The following ACSL3 variants were observed in gnomAD, a reference collection of about 807,000 sequenced individuals.
The protein encoded by ACSL3 is acyl-CoA synthetase long chain family member 3.
A neutral mutation model predicts 84.7 loss-of-function variants in ACSL3; 34 were observed. The ratio of observed to expected loss-of-function variants is 0.40; its 90% confidence interval spans 0.31 to 0.53. The LOEUF is 0.53. Among genes scored for constraint, ACSL3 ranks in the 20% least tolerant of loss-of-function variants. The probability of loss-of-function intolerance (pLI) is 0.48; values close to 1 mark genes in which losing one functional copy is unlikely to be tolerated. For missense variants in ACSL3, 680 were observed against 873.1 expected, an observed-to-expected ratio of 0.78 and a Z score of 2.79; for synonymous variants, 315 against 299.4, an observed-to-expected ratio of 1.05 and a Z score of -0.54.
In ACSL3 at chr2:222,897,891, C is replaced by G. The variant is rs368713473; in HGVS notation, c.-147-2783C>G. ...GCAGCAGTACAGTCCAGCTTCGGCT[C>G]GGCATCAGAGGGAGACCGTGGAGAG... On this transcript the variant is annotated intron_variant, in intron 2 of 16. Transcript: ENST00000357430. 2.3e-4 allele frequency among the ~76,000 whole-genome samples: 24 copies of G among 105,838 alleles called. 12 individuals carry two copies. The highest frequency in any genetic ancestry group is 9.1e-4 in the African/African-American group (24 of 26,340). The allele number at this position is 105,838 out of a possible 152,430, so 69.4% of individuals were successfully genotyped here.
chr2:222,896,704 A>AC (rs1304174893), intron 2 of ACSL3, among the ~76,000 whole-genome samples: 1 of 16,232 alleles, frequency 6.2e-5, no homozygotes, highest in African/African-American at 3.6e-4. Context: ...CGGGGGGCTG[A>AC]CCCCCCCACC....
intron 2 of ACSL3, among the ~76,000 whole-genome samples, chr2:222,889,473 C>G (rs764535587): frequency 5.9e-5 from 9 of 152,190 alleles, no homozygotes; most frequent in Non-Finnish European, 5.9e-5. Flanking sequence ...AGAACTCAAC[C>G]TTTTCACGTT....
chr2:222,935,861 A>G (rs1331477067), intron 16 of ACSL3, among the ~76,000 whole-genome samples: 2 of 152,258 alleles, frequency 1.3e-5, no homozygotes, highest in Non-Finnish European at 2.9e-5. Flanking sequence ...TTATTGCACA[A>G]CTGATCTTTA....
Position 222,930,826 on chromosome 2 carries a change from T to C in ACSL3, c.1732+14T>C. On this transcript the variant is annotated intron_variant, in intron 14 of 16. Transcript: ENST00000357430. ...TAAAGATTATTGGTAAGTCATCTAATATTTTTTTGAAAATGAATGTTTCTG... is the reference window on the plus strand; with the variant it reads ...TAAAGATTATTGGTAAGTCATCTAACATTTTTTTGAAAATGAATGTTTCTG... 6.3e-7 allele frequency: 1 copy of C among 1,577,472 alleles called. No homozygotes were observed. The highest frequency in any genetic ancestry group is 8.6e-7 in the Non-Finnish European group (1 of 1,162,932).
chr2:222,866,288 G>A (rs1433992546), intron 1 of ACSL3, among the ~76,000 whole-genome samples: 1 of 152,034 alleles, frequency 6.6e-6, no homozygotes, highest in Non-Finnish European at 1.5e-5. Context: ...TGGGACTACA[G>A]GTGCCCACCA....
intron 2 of ACSL3, among the ~76,000 whole-genome samples, chr2:222,894,424 TTTTAAAAAACACATTTCAAGTG>T (rs1695920250): frequency 6.6e-6 from 1 of 152,236 alleles, no homozygotes. Flanking sequence ...GCATAGAACA[TTTTAAAAAACACATTTCAAGTG>T]TTTGAACCTA....
rs764906840 is a variant in ACSL3 at position 222,930,838 on chromosome 2, A to G, written c.1732+26A>G. On this transcript the variant is annotated intron_variant, in intron 14 of 16. Transcript: ENST00000357430. ...GTAAGTCATCTAATATTTTTTTGAA[A>G]ATGAATGTTTCTGAAATAGTTTACA... is the stretch of plus-strand genomic sequence containing the variant. 4.5e-6 allele frequency: 7 copies of G among 1,565,882 alleles called. No individual in the cohort carries two copies. In the Admixed American group the frequency reaches 7.7e-5, roughly 17 times the overall value.
chr2:222,943,990 C>A lies in ACSL3; in HGVS notation c.*2336C>A, dbSNP rs898713759. The A allele has an allele frequency of 1.3e-5, 2 of 152,022 alleles. No homozygotes were observed. The highest frequency in any genetic ancestry group is 2.4e-5 in the African/African-American group (1 of 41,406). The allele number at this position is 152,022 out of a possible 1,614,324, so 9.4% of individuals were successfully genotyped here. A position where few individuals can be genotyped will look rare whatever the true frequency, so the allele number is the denominator to read the frequency against. On this transcript the variant is annotated 3_prime_UTR_variant, in exon 17 of 17. Coordinates refer to ENST00000357430, the MANE Select transcript of ACSL3 (RefSeq NM_004457.5). ...AATAAACTAAGCTCTATGAAGAATT[C>A]GTAAGCATTACATGTTCCAGTAAGT... is the stretch of plus-strand genomic sequence containing the variant.
At chr2:222,876,753 GAA>G (rs111631000) in intron 1 of ACSL3, among the ~76,000 whole-genome samples, 1 of 144,794 alleles carries the variant, frequency 6.9e-6, no homozygotes, top group East Asian at 2.0e-4. Context: ...GGAAAGCAGA[GAA>G]AAAAAAAAAG....
rs541979165 is a variant in ACSL3 at position 222,939,351 on chromosome 2, A to G, written c.2006-2146A>G. On this transcript the variant is annotated intron_variant, in intron 16 of 16. Coordinates refer to ENST00000357430, the MANE Select transcript of ACSL3 (RefSeq NM_004457.5). ...GTCCTTTTTGAGTTTGTGGGGTACA[A>G]TCTAATTGAAGAGGTTTGCTGGTTT... Among the ~76,000 whole-genome samples the G allele has an allele frequency of 6.6e-5, 10 of 152,150 alleles. No homozygotes were observed. The East Asian group carries it at 1.5e-3, about 24-fold the overall frequency.
In ACSL3 at chr2:222,916,306, T is replaced by A. The variant is rs763245373; in HGVS notation, c.379-13T>A. ...TTTGATTACATTAAAAAAATTTTTT[T>A]TTGTTTTATCAGGTTATTCTTGGAC... is the stretch of plus-strand genomic sequence containing the variant. On this transcript the variant is annotated splice_polypyrimidine_tract_variant and intron_variant, in intron 4 of 16. Coordinates refer to ENST00000357430, the MANE Select transcript of ACSL3 (RefSeq NM_004457.5). 3.7e-5 allele frequency: 55 copies of A among 1,486,164 alleles called. 1 individual carries two copies. The highest frequency in any genetic ancestry group is 4.8e-5 in the Non-Finnish European group (53 of 1,112,298). 92.1% of individuals were successfully genotyped at this position (1,486,164 alleles called of 1,614,324 possible).
At chr2:222,917,015 G>A (rs1696601520) in intron 5 of ACSL3, among the ~76,000 whole-genome samples, 1 of 151,986 alleles carries the variant, frequency 6.6e-6, no homozygotes, top group African/African-American at 2.4e-5. Flanking sequence ...AGTAATTTGT[G>A]GATGTTTAGT....
intron 1 of ACSL3, among the ~76,000 whole-genome samples, chr2:222,868,761 A>G (rs952347456): frequency 3.9e-5 from 6 of 152,092 alleles, no homozygotes; most frequent in South Asian, 2.1e-4. Flanking sequence ...AGCCTGGCCA[A>G]TGTGGCATGA....
At chr2:222,921,518 A>G (rs1384032087) in intron 8 of ACSL3, 88 bp downstream of exon 8, 8 of 1,320,300 alleles carry the variant, frequency 6.1e-6, no homozygotes, top group Non-Finnish European at 8.2e-6. Flanking sequence ...ATATATGGCT[A>G]AATTAGTCCC....
At chr2:222,940,964 G>A (rs1210407316) in intron 16 of ACSL3, among the ~76,000 whole-genome samples, 1 of 151,956 alleles carries the variant, frequency 6.6e-6, no homozygotes, top group East Asian at 1.9e-4. Flanking sequence ...GCAGTAGCAC[G>A]ATCATAGCTC....
At chr2:222,868,801 G>C (rs753899165) in intron 1 of ACSL3, among the ~76,000 whole-genome samples, 1 of 151,812 alleles carries the variant, frequency 6.6e-6, no homozygotes, top group Admixed American at 6.6e-5. Context: ...GTGAAATCCC[G>C]TCTCTACTAA....
intron 1 of ACSL3, among the ~76,000 whole-genome samples, chr2:222,867,643 T>C (rs1230611986): frequency 6.6e-6 from 1 of 152,242 alleles, no homozygotes; most frequent in Non-Finnish European, 1.5e-5. Flanking sequence ...TTATTTTTAC[T>C]GTGACAAGTT....
At chr2:222,876,165 A>C (rs1695442087) in intron 1 of ACSL3, among the ~76,000 whole-genome samples, 1 of 152,234 alleles carries the variant, frequency 6.6e-6, no homozygotes, top group African/African-American at 2.4e-5. Context: ...TATTGGGATT[A>C]ATAAGCAGGG....
In ACSL3 at chr2:222,939,814, G is replaced by T. The variant is rs142226111; in HGVS notation, c.2006-1683G>T. 5.0e-3 allele frequency among the ~76,000 whole-genome samples: 764 copies of T among 152,232 alleles called. 5 individuals are homozygous for T. Among genetic ancestry groups the T allele is most frequent in the Non-Finnish European group, 7.8e-3 (529 of 68,004 alleles). ...ATAGCATTGTTAAATCCATGTTTCTGTAGGGGAAGGAGGGACTGCGTTTTC... is the reference window on the plus strand; with the variant it reads ...ATAGCATTGTTAAATCCATGTTTCTTTAGGGGAAGGAGGGACTGCGTTTTC... On this transcript the variant is annotated intron_variant, in intron 16 of 16. Transcript: ENST00000357430.
Sources: gnomAD v4.1 joint callset for allele counts (sites outside exome capture counted in the v4.1 genomes callset) on GRCh38, gnomAD v4.1.1 for gene constraint, MANE v1.5 for transcripts, NCBI Gene and HGNC (gene_info 2026-07-23, HGNC 2026-07-21) for gene names.